Variants in RAB9B observed in about 807,000 individuals in gnomAD.
The protein encoded by RAB9B is RAB9B, member RAS oncogene family, also known as ras-related protein Rab-9B.
RAB9B carries 1 observed loss-of-function variant against 8.9 expected under a neutral mutation model. The ratio of observed to expected loss-of-function variants is 0.11; its 90% CI spans 0.04 to 0.53. RAB9B has a LOEUF of 0.53. Ranked by LOEUF, RAB9B falls within the 20% of genes least tolerant of loss-of-function variation. The pLI is 0.93. For missense variants in RAB9B, 82 were observed against 152.9 expected, an observed-to-expected ratio of 0.54 and a Z score of 2.45; for synonymous variants, 63 against 57.0, an observed-to-expected ratio of 1.10 and a Z score of -0.47.
At chrX:103,828,109 C>T (rs1202589433) in intron 1 of RAB9B, among the ~76,000 whole-genome samples, 1 of 111,063 alleles carries the variant, frequency 9.0e-6, no homozygotes, top group African/African-American at 3.3e-5. Flanking sequence ...AAAAACAGTG[C>T]CTAGATCTGT....
At chrX:103,782,125 G>A in the RAB9B span, among the ~76,000 whole-genome samples, 1 of 112,362 alleles carries the variant, frequency 8.9e-6, no homozygotes, top group Non-Finnish European at 1.9e-5. Context: ...TCTGATTCTT[G>A]CTTGGACAGA....
rs1325601420 is a variant in RAB9B at position 103,822,493 on chromosome X, T to C, written c.*2686A>G. ...TAGAGATGGCTGGGGCAGGCACAAA[T>C]TAACCTGATATTCATCAATCCACTG... On this transcript the variant is annotated 3_prime_UTR_variant, in exon 3 of 3. Transcript: ENST00000243298. 1 of 111,464 alleles carries C rather than the reference T, an allele frequency of 9.0e-6. No homozygotes were observed. The highest frequency in any genetic ancestry group is 3.3e-5 in the African/African-American group (1 of 30,677). The allele number at this position is 111,464 out of a possible 1,213,427, so 9.2% of individuals were successfully genotyped here.
the RAB9B span, among the ~76,000 whole-genome samples, chrX:103,787,293 T>TA: frequency 2.7e-5 from 3 of 111,682 alleles, no homozygotes; most frequent in African/African-American, 9.8e-5. Flanking sequence ...TCTCTGGAGT[T>TA]AAAGATCCTT....
At chrX:103,790,638 T>A in the RAB9B span, 2 of 987,865 alleles carry the variant, frequency 2.0e-6, no homozygotes, top group Non-Finnish European at 2.9e-6. Flanking sequence ...AGCGAGGCTC[T>A]AACCACACAG....
the RAB9B span, among the ~76,000 whole-genome samples, chrX:103,794,452 A>G: frequency 1.8e-5 from 2 of 111,904 alleles, no homozygotes; most frequent in Non-Finnish European, 3.8e-5. Context: ...CAGAGGGCAC[A>G]TGAATCAAGA....
At chrX:103,781,483 C>T in the RAB9B span, among the ~76,000 whole-genome samples, 1 of 112,191 alleles carries the variant, frequency 8.9e-6, no homozygotes, top group African/African-American at 3.2e-5. Context: ...TTTGCCCACA[C>T]AACTTCGTTA....
the RAB9B span, among the ~76,000 whole-genome samples, chrX:103,777,812 G>A: frequency 1.2e-4 from 13 of 112,481 alleles, no homozygotes; most frequent in African/African-American, 3.6e-4. Flanking sequence ...GAGCACAAGG[G>A]TCTTTGTCCC....
chrX:103,831,178 G>A (rs192734302), intron 1 of RAB9B, among the ~76,000 whole-genome samples: 181 of 110,732 alleles, frequency 1.6e-3, no homozygotes, highest in African/African-American at 5.7e-3. Context: ...AGAATTGGGC[G>A]CGGCTATATT....
chrX:103,806,860 C>CA, the RAB9B span, among the ~76,000 whole-genome samples: 1 of 162 alleles, frequency 6.2e-3, no homozygotes, highest in Non-Finnish European at 0.011. Context: ...ACTCAGACCG[C>CA]AGAAGAGATT....
chrX:103,822,348 T>C lies in RAB9B; in HGVS notation c.*2831A>G, dbSNP rs1463338571. The C allele has an allele frequency of 8.9e-6, 1 of 112,463 alleles. No homozygotes were observed. The highest frequency in any genetic ancestry group is 1.9e-5 in the Non-Finnish European group (1 of 53,310). The allele number at this position is 112,463 out of a possible 1,213,427, so 9.3% of individuals were successfully genotyped here. On this transcript the variant is annotated 3_prime_UTR_variant, in exon 3 of 3. Transcript: ENST00000243298. ...TGTGTGCTGGTTATTCAAAATGCAC[T>C]TTTTATTCACTTTAACACAGATGAT...
chrX:103,786,377 C>G, the RAB9B span: 2 of 1,068,923 alleles, frequency 1.9e-6, no homozygotes, highest in South Asian at 1.9e-5. Flanking sequence ...GGTGCTCGCT[C>G]TGGTGTATAC....
the RAB9B span, chrX:103,790,559 T>C: frequency 1.7e-6 from 2 of 1,207,817 alleles, no homozygotes; most frequent in East Asian, 3.0e-5. Context: ...CTTACAACTT[T>C]GCCGTCCTTA....
Position 103,825,578 on chromosome X carries a change from G to A in RAB9B, c.207C>T (p.Phe69=), listed in dbSNP as rs1230545634. ...QIWDTAGQER[F]KSLRTPFYRG... is the part of the protein sequence containing the mutation. ...TGTAGAAGGGTGTCCTAAGGCTCTT[G>A]AAACGTTCCTGCCCTGCAGTGTCCC... Residue 69 remains phenylalanine, a synonymous_variant, in exon 3 of 3, where the codon TTC becomes TTT. Transcript: ENST00000243298. 8.3e-7 allele frequency: 1 copy of A among 1,211,971 alleles called. No homozygotes were observed. The highest frequency in any genetic ancestry group is 3.0e-5 in the East Asian group (1 of 33,840).
At chrX:103,777,048 T>A in the RAB9B span, 1 of 1,124,404 alleles carries the variant, frequency 8.9e-7, no homozygotes, top group Non-Finnish European at 1.2e-6. Flanking sequence ...ACACAGGAAT[T>A]CACAAGAGAA....
the RAB9B span, among the ~76,000 whole-genome samples, chrX:103,813,745 C>CAAAAAAAAAAAAAAAAAAAAA: frequency 2.3e-4 from 2 of 8,542 alleles, 1 homozygote; most frequent in Non-Finnish European, 3.8e-4. Flanking sequence ...AAATGGAAAG[C>CAAAAAAAAAAAAAAAAAAAAA]AAAAAAAAAA....
At chrX:103,821,644 C>G (rs2074661249), downstream of RAB9B, among the ~76,000 whole-genome samples, 1 of 112,037 alleles carries the variant, frequency 8.9e-6, no homozygotes, top group African/African-American at 3.2e-5. Flanking sequence ...ATTTGTTTCA[C>G]CTATATTTTC....
chrX:103,790,400 C>T, the RAB9B span: 1 of 586,233 alleles, frequency 1.7e-6, no homozygotes. Context: ...CTGCTTTTTG[C>T]AGAGCATGGG....
At chrX:103,785,612 T>C in the RAB9B span, 3 of 1,208,802 alleles carry the variant, frequency 2.5e-6, no homozygotes, top group African/African-American at 5.3e-5. Flanking sequence ...AGATGTCTGG[T>C]AGGGGCCCCC....
the RAB9B span, among the ~76,000 whole-genome samples, chrX:103,809,198 C>T: frequency 4.5e-5 from 5 of 112,263 alleles, no homozygotes; most frequent in South Asian, 3.7e-4. Context: ...TGTGAGGAAA[C>T]AATAAGATGG....
Sources: gnomAD v4.1 joint callset for allele counts (sites outside exome capture counted in the v4.1 genomes callset) on GRCh38, gnomAD v4.1.1 for gene constraint, MANE v1.5 for transcripts, NCBI Gene and HGNC (gene_info 2026-07-23, HGNC 2026-07-21) for gene names.